Variants in UNC13A observed in about 807,000 individuals in gnomAD.
UNC13A encodes the protein unc-13 homolog A.
A neutral mutation model predicts 219.7 loss-of-function variants in UNC13A; 61 were observed. That is an observed-to-expected ratio of 0.28 (90% CI 0.23 to 0.34). UNC13A has a LOEUF of 0.34. Ranked by LOEUF, UNC13A falls within the 10% of genes least tolerant of loss-of-function variation. UNC13A has a pLI of 1.00. For missense variants in UNC13A, 1,476 were observed against 2,270.3 expected (o/e 0.65, Z 7.11); for synonymous variants, 920 against 884.6 (o/e 1.04, Z -0.71).
chr19:17,619,055 T>C, intron 38 of UNC13A, 93 bp from the exon 39 acceptor site: 2 of 1,206,390 alleles, frequency 1.7e-6, no homozygotes, highest in Non-Finnish European at 2.5e-6. Flanking sequence ...CCAAAGGCTC[T>C]GGGCAGGGCA....
chr19:17,669,900 T>C (rs1169772700), intron 4 of UNC13A, among the ~76,000 whole-genome samples: 1 of 148,744 alleles, frequency 6.7e-6, no homozygotes, highest in African/African-American at 2.5e-5. Context: ...CCTTCCTTTA[T>C]TCCTTTCTTT....
intron 9 of UNC13A, 50 bp downstream of exon 9, chr19:17,658,012 C>T (rs1216485019): frequency 6.3e-7 from 1 of 1,581,714 alleles, no homozygotes. Flanking sequence ...TCTCTCCACT[C>T]CAGGAGACAC....
chr19:17,640,718 T>TC, intron 21 of UNC13A, 57 bp from the exon 22 acceptor site: 1 of 1,489,894 alleles, frequency 6.7e-7, no homozygotes, highest in African/African-American at 1.4e-5. Flanking sequence ...TGGACCAAGA[T>TC]CCCCCCTAGA....
intron 42 of UNC13A, 139 bp downstream of exon 42, chr19:17,611,624 C>CT: frequency 1.5e-6 from 1 of 682,872 alleles, no homozygotes; most frequent in Non-Finnish European, 2.6e-6. Context: ...CCAGCCATGC[C>CT]TGAAGGTGGC....
chr19:17,639,789 G>A, intron 23 of UNC13A, 51 bp downstream of exon 23: 2 of 1,586,830 alleles, frequency 1.3e-6, no homozygotes, highest in Non-Finnish European at 1.7e-6. Flanking sequence ...TTCCCCTCCA[G>A]GCACACACAT....
intron 4 of UNC13A, among the ~76,000 whole-genome samples, chr19:17,671,983 A>C (rs892597038): frequency 3.9e-5 from 6 of 152,154 alleles, no homozygotes; most frequent in Admixed American, 6.6e-5. Context: ...CTAGGGAAGC[A>C]CAGCCCAGGA....
chr19:17,668,633 T>C (rs965654855), intron 5 of UNC13A, among the ~76,000 whole-genome samples: 4 of 151,762 alleles, frequency 2.6e-5, no homozygotes, highest in Non-Finnish European at 4.4e-5. Context: ...ATTACAGGTG[T>C]GCACCACCAT....
At chr19:17,669,787 C>A in intron 4 of UNC13A, 111 bp from the exon 5 acceptor site, 4 of 1,285,768 alleles carry the variant, frequency 3.1e-6, no homozygotes, top group Non-Finnish European at 4.2e-6. Context: ...AAACCAAAGT[C>A]ATGTCCCCTC....
At chr19:17,666,916 C>G (rs139725388) in intron 6 of UNC13A, among the ~76,000 whole-genome samples, 7 of 25,208 alleles carry the variant, frequency 2.8e-4, no homozygotes, top group Admixed American at 1.4e-3. Flanking sequence ...GAGAGAAAGA[C>G]AGAGACAGAG....
At chr19:17,669,948 C>CTTTTTT (rs60439472) in intron 4 of UNC13A, among the ~76,000 whole-genome samples, 4 of 107,176 alleles carry the variant, frequency 3.7e-5, no homozygotes, top group Non-Finnish European at 7.7e-5. Context: ...CTTTTCTTTT[C>CTTTTTT]TTTTTTTTTT....
At chr19:17,663,973 C>T (rs1327878616) in intron 7 of UNC13A, among the ~76,000 whole-genome samples, 1 of 138,280 alleles carries the variant, frequency 7.2e-6, no homozygotes, top group Non-Finnish European at 1.5e-5. Flanking sequence ...TGTTTTGGTT[C>T]TTGGTGGTTT....
At position 17,649,870 on chromosome 19, in the gene UNC13A, G is replaced by T. The variant is rs2079312498; in HGVS notation, c.1440-283C>A. On this transcript the variant is annotated intron_variant, in intron 12 of 43. Transcript: ENST00000519716. The surrounding 1 kb of genome is among the most constrained non-coding windows in gnomAD (Gnocchi z 4.4). ...AAGAAGAGATACATGGGGAGAAGGT[G>T]GCTCTGTGACAGCAGAGGCAGAAAG... Among the ~76,000 whole-genome samples, 1 of 152,134 alleles carries T rather than the reference G, an allele frequency of 6.6e-6. No individual in the cohort carries two copies. Among genetic ancestry groups the T allele is most frequent in the African/African-American group, 2.4e-5 (1 of 41,424 alleles).
chr19:17,605,562 A>C lies in UNC13A; in HGVS notation c.*492T>G. 6.5e-6 allele frequency: 1 copy of C among 154,496 alleles called. No individual in the cohort carries two copies. 9.6% of individuals were successfully genotyped at this position (154,496 alleles called of 1,614,324 possible). A position where few individuals can be genotyped will look rare whatever the true frequency, so the allele number is the denominator to read the frequency against. On this transcript the variant is annotated 3_prime_UTR_variant, in exon 44 of 44. Coordinates refer to ENST00000519716, the MANE Select transcript of UNC13A (RefSeq NM_001080421.3). ...CAGCATCCTGGTCCCTCCAGTCCCC[A>C]GGCCACCTAGAGGGGCGCTCCAGAG...
intron 20 of UNC13A, among the ~76,000 whole-genome samples, chr19:17,642,209 A>AATAT (rs1184827094): frequency 1.3e-5 from 2 of 152,088 alleles, no homozygotes; most frequent in African/African-American, 4.8e-5. Context: ...TCTATCCAGC[A>AATAT]ATCTATCTAT....
At chr19:17,687,780 A>G (rs541413488) in intron 1 of UNC13A, among the ~76,000 whole-genome samples, 87 of 151,916 alleles carry the variant, frequency 5.7e-4, no homozygotes, top group African/African-American at 2.0e-3. Flanking sequence ...CCACAACACC[A>G]GACCCCTTCC....
rs763531356 is a variant in UNC13A, at chr19:17,648,516, G to A, written c.1731C>T (p.Ile577=). 2 of 1,613,744 alleles carry A rather than the reference G, an allele frequency of 1.2e-6. No homozygotes were observed. Among genetic ancestry groups the A allele is most frequent in the East Asian group, 2.2e-5 (1 of 44,888 alleles). Residue 577 remains isoleucine (I), a synonymous_variant, in exon 16 of 44, where the codon ATC becomes ATT. Transcript: ENST00000519716. ...CYECEGLLWG[I]ARQGMRCTEC... is the part of the protein sequence containing the mutation. ...CGGTGCAGCGCATGCCCTGCCTCGC[G>A]ATGCCCCACAGCAGCCCCTCGCACT...
intron 22 of UNC13A, 148 bp from the exon 23 acceptor site, chr19:17,640,056 A>T: frequency 1.2e-6 from 1 of 811,408 alleles, no homozygotes; most frequent in Non-Finnish European, 1.9e-6. Flanking sequence ...TTGTTTTGAG[A>T]CAGAGTCTTG....
chr19:17,658,355 G>T, intron 8 of UNC13A, 86 bp from the exon 9 acceptor site: 1 of 1,367,178 alleles, frequency 7.3e-7, no homozygotes, highest in Non-Finnish European at 1.0e-6. Flanking sequence ...GACTTACGGT[G>T]CCGCTACCGA....
At chr19:17,630,592 T>C in intron 29 of UNC13A, 62 bp downstream of exon 29, 1 of 1,577,716 alleles carries the variant, frequency 6.3e-7, no homozygotes, top group East Asian at 2.2e-5. Flanking sequence ...CAAGGGCAAA[T>C]TTCCACCTAA....
Sources: gnomAD v4.1 joint callset for allele counts (sites outside exome capture counted in the v4.1 genomes callset) on GRCh38, gnomAD v4.1.1 for gene constraint, Gnocchi (gnomAD v3.1) non-coding constraint, MANE v1.5 for transcripts, NCBI Gene and HGNC (gene_info 2026-07-23, HGNC 2026-07-21) for gene names.